Variants in MYO5B observed in about 807,000 individuals in gnomAD.
MYO5B encodes the protein unconventional myosin-Vb.
A neutral mutation model predicts 229.3 loss-of-function variants in MYO5B; 143 were observed. The ratio of observed to expected loss-of-function variants is 0.62; its 90% CI spans 0.54 to 0.72. The LOEUF (loss-of-function observed/expected upper bound fraction) is 0.72, where lower values mean the gene tolerates loss of function less well. MYO5B is among the 30% of genes least tolerant of loss of function. The pLI, the probability that MYO5B is intolerant of heterozygous loss-of-function variation, is 0.00. For synonymous variants in MYO5B, 918 were observed against 885.2 expected, an observed-to-expected ratio of 1.04 and a Z score of -0.66; for missense variants, 2,321 against 2,331.0, an observed-to-expected ratio of 1.00 and a Z score of 0.09.
At chr18:49,977,656 C>G (rs1194635978) in intron 9 of MYO5B, among the ~76,000 whole-genome samples, 1 of 152,180 alleles carries the variant, frequency 6.6e-6, no homozygotes, top group African/African-American at 2.4e-5. Flanking sequence ...GGACTGAACA[C>G]TGCCTGGGCC....
At chr18:49,836,563 C>T in intron 38 of MYO5B, 148 bp downstream of exon 38, 1 of 886,866 alleles carries the variant, frequency 1.1e-6, no homozygotes, top group Non-Finnish European at 1.8e-6. Context: ...AGGAATATCC[C>T]ATCAGCTGCA....
chr18:49,880,731 T>C (rs1470130747), intron 22 of MYO5B, among the ~76,000 whole-genome samples: 1 of 152,212 alleles, frequency 6.6e-6, no homozygotes, highest in East Asian at 1.9e-4. Flanking sequence ...TTGAGGAACT[T>C]GCAAAGATAA....
At chr18:49,990,740 T>C (rs754466783) in intron 6 of MYO5B, among the ~76,000 whole-genome samples, 8 of 152,264 alleles carry the variant, frequency 5.3e-5, no homozygotes, top group Non-Finnish European at 8.8e-5. Flanking sequence ...TCTTGAATTA[T>C]GCAAAAGCAT....
chr18:50,075,809 C>T (rs1030027699), intron 1 of MYO5B, among the ~76,000 whole-genome samples: 1 of 152,246 alleles, frequency 6.6e-6, no homozygotes, highest in African/African-American at 2.4e-5. Context: ...GGAGCCAGAA[C>T]CCCAGGACAA....
chr18:49,978,718 C>CACAT, intron 9 of MYO5B, among the ~76,000 whole-genome samples: 1 of 150,132 alleles, frequency 6.7e-6, no homozygotes, highest in South Asian at 2.1e-4. Context: ...CACACACACA[C>CACAT]ACACACACAC....
At chr18:49,846,395 C>T (rs938188300) in intron 33 of MYO5B, among the ~76,000 whole-genome samples, 3 of 152,150 alleles carry the variant, frequency 2.0e-5, no homozygotes, top group Admixed American at 1.3e-4. Flanking sequence ...GTATGAGCAA[C>T]GAAATACGAA....
In MYO5B at chr18:49,912,157, A is replaced by T; in HGVS notation, c.2107T>A (p.Phe703Ile). The change falls in exon 18 of 40, where the codon TTT (phenylalanine) becomes ATT (isoleucine). Residue 703 changes from phenylalanine (F) to isoleucine (I), a missense_variant. Phe to Ile is a conservative substitution (Grantham distance 21). This residue lies in a region of MYO5B where 2,113 missense variants were observed against 2,044.7 expected (regional missense o/e 1.03). Transcript: ENST00000285039. Reference sequence around the variant, plus strand: ...ACCAGCACCCGATACCGGTTGAAAAAGTCATGGTAGGCCCACCTGGAGGGA... The same window carrying T: ...ACCAGCACCCGATACCGGTTGAAAATGTCATGGTAGGCCCACCTGGAGGGA... Reference protein sequence around the residue: ...GYPSRWAYHDFFNRYRVLVKK... With the variant: ...GYPSRWAYHDIFNRYRVLVKK... The T allele has an allele frequency of 1.2e-6, 2 of 1,613,984 alleles. No individual in the cohort carries two copies. Among genetic ancestry groups the T allele is most frequent in the Non-Finnish European group, 1.7e-6 (2 of 1,180,012 alleles).
At chr18:49,888,791 C>G (rs1443482336) in intron 22 of MYO5B, among the ~76,000 whole-genome samples, 1 of 152,228 alleles carries the variant, frequency 6.6e-6, no homozygotes, top group Non-Finnish European at 1.5e-5. Context: ...CCATTCTTTA[C>G]TGGTTACTTT....
chr18:49,966,344 A>T (rs928782074), intron 10 of MYO5B, among the ~76,000 whole-genome samples: 1 of 152,214 alleles, frequency 6.6e-6, no homozygotes, highest in Non-Finnish European at 1.5e-5. Context: ...TGTAAAGTGT[A>T]TGCTGGGATG....
Position 49,937,292 on chromosome 18 carries a change from G to T in MYO5B, c.1858C>A (p.Pro620Thr). 1.9e-6 allele frequency: 3 copies of T among 1,614,144 alleles called. No individual in the cohort carries two copies. Among genetic ancestry groups the T allele is most frequent in the Non-Finnish European group, 2.5e-6 (3 of 1,180,028 alleles). Residue 620 changes from proline to threonine, a missense_variant, in exon 15 of 40, where the codon CCC becomes ACC. Transcript: ENST00000285039. The part of the protein sequence containing the change: ...SKISVRSARP[P>T]MKVSNKEHKK... ...TGCTCCTTGTTGGAGACTTTCATGGGGGGTCTGGCAGAACGGACGCTGATC... is the reference window on the plus strand; with the variant it reads ...TGCTCCTTGTTGGAGACTTTCATGGTGGGTCTGGCAGAACGGACGCTGATC...
intron 16 of MYO5B, 137 bp downstream of exon 16, chr18:49,936,115 G>C (rs564698734): frequency 1.3e-6 from 1 of 750,576 alleles, no homozygotes; most frequent in Non-Finnish European, 2.4e-6. Context: ...TCTGCAGCAA[G>C]TAAGATGTCT....
At chr18:50,055,233 T>TCCC in intron 2 of MYO5B, 35 bp downstream of exon 2, 2 of 279,048 alleles carry the variant, frequency 7.2e-6, no homozygotes, top group South Asian at 2.8e-5. Flanking sequence ...CTGCCCCACC[T>TCCC]CACCCCCGCC....
intron 1 of MYO5B, among the ~76,000 whole-genome samples, chr18:50,168,536 CCA>C (rs903782076): frequency 1.3e-5 from 2 of 152,188 alleles, no homozygotes; most frequent in Non-Finnish European, 2.9e-5. Flanking sequence ...TGGGGCTTCC[CCA>C]CTCCCTGCTC....
chr18:50,038,145 A>T (rs1030228878), intron 3 of MYO5B, among the ~76,000 whole-genome samples: 1 of 152,358 alleles, frequency 6.6e-6, no homozygotes, highest in South Asian at 2.1e-4. Context: ...TGTGAATTTG[A>T]TCTTTCAGAC....
intron 14 of MYO5B, among the ~76,000 whole-genome samples, chr18:49,950,125 TCTCAAGCCCTC>T (rs1344634963): frequency 1.3e-5 from 2 of 152,180 alleles, no homozygotes; most frequent in African/African-American, 4.8e-5. Context: ...GGTAGAGAGT[TCTCAAGCCCTC>T]CTCCAGCTAG....
At chr18:50,055,178 C>G in intron 2 of MYO5B, 90 bp downstream of exon 2, 2 of 898,454 alleles carry the variant, frequency 2.2e-6, no homozygotes, top group Non-Finnish European at 1.8e-6. Flanking sequence ...AAAACTCCAG[C>G]CCACAATGTA....
At position 50,143,296 on chromosome 18, in the gene MYO5B, T is replaced by C. The variant is rs181356790; in HGVS notation, c.27+51471A>G. On this transcript the variant is annotated intron_variant, in intron 1 of 39. Transcript: ENST00000285039. The stretch of plus-strand genomic sequence containing the variant: ...GAAGCCTTGGAAAGGATGTTATCTG[T>C]TTGAAAAACATGAAGGGCAGCTGTG... 4.8e-4 allele frequency among the ~76,000 whole-genome samples: 73 copies of C among 152,308 alleles called. 1 individual carries two copies. The highest frequency in any genetic ancestry group is 3.3e-3 in the Admixed American group (51 of 15,300).
At chr18:50,008,611 T>C (rs2026128819) in intron 4 of MYO5B, among the ~76,000 whole-genome samples, 1 of 152,032 alleles carries the variant, frequency 6.6e-6, no homozygotes, top group Non-Finnish European at 1.5e-5. Flanking sequence ...AATTGGAAAC[T>C]CCCTGAGAGG....
At chr18:50,087,233 C>T (rs1346015471) in intron 1 of MYO5B, among the ~76,000 whole-genome samples, 1 of 152,188 alleles carries the variant, frequency 6.6e-6, no homozygotes, top group Non-Finnish European at 1.5e-5. Context: ...CCTCCATCTG[C>T]TCTGAGGATT....
Sources: gnomAD v4.1 joint callset for allele counts (sites outside exome capture counted in the v4.1 genomes callset) on GRCh38, gnomAD v4.1.1 for gene constraint, gnomAD v4.1.1 regional missense constraint, MANE v1.5 for transcripts, NCBI Gene and HGNC (gene_info 2026-07-23, HGNC 2026-07-21) for gene names.